The following PLCL1 variants were observed in gnomAD, a reference collection of about 807,000 sequenced individuals.
PLCL1 encodes phospholipase C like 1 (inactive), also known as inactive phospholipase C-like protein 1.
A neutral mutation model predicts 84.4 loss-of-function variants in PLCL1; 41 were observed. The ratio of observed to expected loss-of-function variants is 0.49; its 90% CI spans 0.38 to 0.63. The LOEUF (loss-of-function observed/expected upper bound fraction) is 0.63, where lower values mean the gene tolerates loss of function less well. PLCL1 is among the 30% of genes least tolerant of loss of function. The probability of loss-of-function intolerance (pLI) is 0.00; values close to 1 mark genes in which losing one functional copy is unlikely to be tolerated. For synonymous variants in PLCL1, 490 were observed against 488.3 expected (o/e 1.00, Z -0.05); for missense variants, 1,206 against 1,367.8 (o/e 0.88, Z 1.87).
chr2:197,914,587 C>A (rs2105749075), intron 1 of PLCL1, among the ~76,000 whole-genome samples: 1 of 152,208 alleles, frequency 6.6e-6, no homozygotes, highest in East Asian at 1.9e-4. Context: ...CCTTGGCATC[C>A]CAAAGTGCTG....
intron 1 of PLCL1, among the ~76,000 whole-genome samples, chr2:197,959,566 A>G (rs1412482980): frequency 1.3e-5 from 2 of 152,094 alleles, no homozygotes; most frequent in African/African-American, 4.8e-5. Context: ...GGTTATAACT[A>G]CATAATAGAT....
At chr2:198,067,985 G>T (rs1461181924) in intron 1 of PLCL1, among the ~76,000 whole-genome samples, 1 of 152,142 alleles carries the variant, frequency 6.6e-6, no homozygotes, top group Admixed American at 6.5e-5. Flanking sequence ...AAACCACCTA[G>T]GGATGATAAT....
chr2:197,858,477 T>C (rs1687371914), intron 1 of PLCL1, among the ~76,000 whole-genome samples: 1 of 152,096 alleles, frequency 6.6e-6, no homozygotes, highest in Non-Finnish European at 1.5e-5. Context: ...GGTACTGAAA[T>C]GGCCATGGAT....
At chr2:198,115,469 A>G (rs1693721453) in intron 5 of PLCL1, among the ~76,000 whole-genome samples, 1 of 151,862 alleles carries the variant, frequency 6.6e-6, no homozygotes, top group South Asian at 2.1e-4. Flanking sequence ...GAGGAACACA[A>G]AAGGATGAGG....
chr2:198,130,810 G>T (rs930913143), intron 5 of PLCL1, among the ~76,000 whole-genome samples: 1 of 152,068 alleles, frequency 6.6e-6, no homozygotes, highest in African/African-American at 2.4e-5. Context: ...TCCCATAGCC[G>T]TCACCTTAGT....
rs531460127 is a variant in PLCL1 at position 197,835,136 on chromosome 2, A to G, written c.240+29797A>G. On this transcript the variant is annotated intron_variant, in intron 1 of 5. Transcript: ENST00000428675. ...GACACAGGGAGGGGAACATCACACAATGGTATGTCAGGGGTGGGAGCCTAG... is the reference window on the plus strand; with the variant it reads ...GACACAGGGAGGGGAACATCACACAGTGGTATGTCAGGGGTGGGAGCCTAG... Among the ~76,000 whole-genome samples the G allele has an allele frequency of 4.5e-4, 68 of 151,998 alleles. 2 individuals are homozygous for G. In the South Asian group the frequency reaches 1.0e-2, roughly 22 times the overall value.
intron 3 of PLCL1, among the ~76,000 whole-genome samples, chr2:198,093,951 C>T (rs1693121849): frequency 6.6e-6 from 1 of 151,862 alleles, no homozygotes; most frequent in Non-Finnish European, 1.5e-5. Flanking sequence ...TATTTATTAC[C>T]CACTATAAAT....
At chr2:197,934,438 G>A (rs949829089) in intron 1 of PLCL1, among the ~76,000 whole-genome samples, 2 of 152,086 alleles carry the variant, frequency 1.3e-5, no homozygotes, top group South Asian at 2.1e-4. Context: ...TTGTGAAGTC[G>A]GCATATTCAC....
At chr2:198,011,353 G>A (rs1690864174) in intron 1 of PLCL1, among the ~76,000 whole-genome samples, 1 of 151,812 alleles carries the variant, frequency 6.6e-6, no homozygotes, top group African/African-American at 2.4e-5. Flanking sequence ...ATTATCTTGT[G>A]ATTTCTTCTT....
chr2:197,814,555 T>C (rs1206339637), intron 1 of PLCL1, among the ~76,000 whole-genome samples: 1 of 152,200 alleles, frequency 6.6e-6, no homozygotes, highest in Non-Finnish European at 1.5e-5. Context: ...TAATGGCCTC[T>C]AAATGTTCAA....
chr2:197,855,155 A>G (rs960199015), intron 1 of PLCL1, among the ~76,000 whole-genome samples: 1 of 152,202 alleles, frequency 6.6e-6, no homozygotes, highest in Non-Finnish European at 1.5e-5. Flanking sequence ...TTAAACTGAG[A>G]GGTGGGCTAA....
At chr2:197,985,520 CTGTGTT>C (rs1196371710) in intron 1 of PLCL1, among the ~76,000 whole-genome samples, 2 of 152,082 alleles carry the variant, frequency 1.3e-5, no homozygotes, top group African/African-American at 4.8e-5. Context: ...GGCCTTCTGC[CTGTGTT>C]TGTAAGTAAA....
intron 1 of PLCL1, among the ~76,000 whole-genome samples, chr2:197,913,978 TG>T (rs1346761485): frequency 6.6e-6 from 1 of 152,186 alleles, no homozygotes; most frequent in African/African-American, 2.4e-5. Context: ...CTAATTAATA[TG>T]TTACTATTTT....
At chr2:197,939,131 A>G (rs1689106647) in intron 1 of PLCL1, among the ~76,000 whole-genome samples, 1 of 152,204 alleles carries the variant, frequency 6.6e-6, no homozygotes, top group African/African-American at 2.4e-5. Context: ...TCTCAATAAA[A>G]TACTTAATTT....
intron 1 of PLCL1, among the ~76,000 whole-genome samples, chr2:198,017,833 T>C (rs972606200): frequency 6.6e-6 from 1 of 152,226 alleles, no homozygotes; most frequent in African/African-American, 2.4e-5. Context: ...CATTCAACAG[T>C]AGACATTTAA....
At chr2:197,987,586 C>T (rs192853678) in intron 1 of PLCL1, among the ~76,000 whole-genome samples, 62 of 152,260 alleles carry the variant, frequency 4.1e-4, no homozygotes, top group Middle Eastern at 3.4e-3. Flanking sequence ...AAGTGACATT[C>T]GAAGTAGTAA....
At chr2:198,129,478 C>T (rs1468693229) in intron 5 of PLCL1, among the ~76,000 whole-genome samples, 4 of 152,030 alleles carry the variant, frequency 2.6e-5, no homozygotes, top group Non-Finnish European at 5.9e-5. Context: ...TCTCCTGCTT[C>T]GAGTTGTTCT....
chr2:198,086,767 G>A lies in PLCL1; in HGVS notation c.2715+535G>A, dbSNP rs548335450. On this transcript the variant is annotated intron_variant, in intron 2 of 5. Transcript: ENST00000428675. ...CTGAACTAAGATGTAGCAAAATGCT[G>A]TATATTAAATATCCTTAGTACAAAA... is the stretch of plus-strand genomic sequence containing the variant. Among the ~76,000 whole-genome samples the A allele has an allele frequency of 7.9e-5, 12 of 152,294 alleles. No homozygotes were observed. The South Asian group carries it at 1.9e-3, about 24-fold the overall frequency.
At chr2:197,977,383 G>A (rs1690009577) in intron 1 of PLCL1, among the ~76,000 whole-genome samples, 1 of 151,922 alleles carries the variant, frequency 6.6e-6, no homozygotes, top group Admixed American at 6.6e-5. Context: ...AGACTCAGCA[G>A]AAAAATTGGT....
Sources: gnomAD v4.1 joint callset for allele counts (sites outside exome capture counted in the v4.1 genomes callset) on GRCh38, gnomAD v4.1.1 for gene constraint, MANE v1.5 for transcripts, NCBI Gene and HGNC (gene_info 2026-07-23, HGNC 2026-07-21) for gene names.